LCOR: variants seen among roughly 807,000 people sequenced by gnomAD.
LCOR encodes ligand-dependent corepressor.
Under a neutral mutation model 64.4 loss-of-function variants are expected in LCOR, and 14 were observed. The observed-to-expected ratio is 0.22, with a 90% confidence interval of 0.14 to 0.34. LCOR has a LOEUF of 0.34. LCOR is among the 10% of genes least tolerant of loss of function. The probability of loss-of-function intolerance (pLI) is 1.00; values close to 1 mark genes in which losing one functional copy is unlikely to be tolerated. For synonymous variants in LCOR, 643 were observed against 642.5 expected (o/e 1.00, Z -0.01); for missense variants, 1,686 against 1,765.3 (o/e 0.96, Z 0.80).
intron 2 of LCOR, among the ~76,000 whole-genome samples, chr10:96,834,519 G>T (rs1037754867): frequency 2.0e-5 from 3 of 152,030 alleles, no homozygotes; most frequent in African/African-American, 7.2e-5. Flanking sequence ...TTGGTATTTC[G>T]GACTATCATA....
At chr10:96,964,652 A>T (rs987109334) in intron 7 of LCOR, among the ~76,000 whole-genome samples, 1 of 152,130 alleles carries the variant, frequency 6.6e-6, no homozygotes, top group Admixed American at 6.5e-5. Flanking sequence ...TTGTAAACTC[A>T]GTGTCTTTAC....
intron 4 of LCOR, among the ~76,000 whole-genome samples, chr10:96,912,322 C>T (rs1229228450): frequency 1.3e-5 from 2 of 152,180 alleles, no homozygotes; most frequent in African/African-American, 4.8e-5. Flanking sequence ...CCCGTATATT[C>T]TTTAACCAGA....
intron 4 of LCOR, among the ~76,000 whole-genome samples, chr10:96,936,035 C>T (rs1393508696): frequency 6.6e-6 from 1 of 152,220 alleles, no homozygotes; most frequent in Non-Finnish European, 1.5e-5. Flanking sequence ...ATCGGGCAGC[C>T]TCCCGAGCCA....
chr10:96,907,085 A>G (rs908282485), intron 2 of LCOR, among the ~76,000 whole-genome samples, 180 bp from the exon 3 acceptor site: 1 of 152,214 alleles, frequency 6.6e-6, no homozygotes, highest in African/African-American at 2.4e-5. Flanking sequence ...AATCATTGAC[A>G]GAAATGCAAA....
chr10:96,836,424 T>TA (rs1845442569), intron 2 of LCOR, among the ~76,000 whole-genome samples: 1 of 152,134 alleles, frequency 6.6e-6, no homozygotes, highest in Non-Finnish European at 1.5e-5. Context: ...CATTTAGCTG[T>TA]TTGTATTGAT....
At position 96,980,983 on chromosome 10, in the gene LCOR, A is replaced by G. The variant is rs961613641; in HGVS notation, c.523A>G (p.Thr175Ala). 4.3e-6 allele frequency: 3 copies of G among 702,944 alleles called. No individual in the cohort carries two copies. The South Asian group carries it at 4.4e-5, about 10-fold the overall frequency. 43.5% of individuals were successfully genotyped at this position (702,944 alleles called of 1,614,324 possible). Residue 175 changes from threonine (T) to alanine (A), a missense_variant, in exon 8 of 8, where the codon ACT (threonine) becomes GCT (alanine). By Grantham distance (58) the Thr-to-Ala change is moderately conservative. Transcript: ENST00000421806. ...PSDSGAMDVS[T>A]CNAGCAQLST... ...TGATTCGGGAGCAATGGATGTATCC[A>G]CTTGCAATGCTGGCTGTGCCCAGCT...
chr10:96,833,049 C>T, intron 1 of LCOR: 1 of 986,256 alleles, frequency 1.0e-6, no homozygotes. Context: ...GTCATGGCCG[C>T]GGGGGGCAGC....
Position 96,980,990 on chromosome 10 carries a change from A to G in LCOR, c.530A>G (p.Asn177Ser), listed in dbSNP as rs974017020. The G allele has an allele frequency of 5.7e-6, 4 of 703,048 alleles. No homozygotes were observed. Among genetic ancestry groups the G allele is most frequent in the Non-Finnish European group, 7.8e-6 (3 of 385,024 alleles). 43.6% of individuals were successfully genotyped at this position (703,048 alleles called of 1,614,324 possible). The change falls in exon 8 of 8, where the codon AAT becomes AGT. Residue 177 changes from asparagine (N) to serine (S), a missense_variant. Around this residue, in one of 3 missense-constraint regions of LCOR, gnomAD observed 313 missense variants for 247.2 expected, o/e 1.27. Transcript: ENST00000421806. The part of the protein sequence containing the change: ...DSGAMDVSTC[N>S]AGCAQLSTKH... ...GGAGCAATGGATGTATCCACTTGCA[A>G]TGCTGGCTGTGCCCAGCTCAGCACC...
intron 2 of LCOR, among the ~76,000 whole-genome samples, chr10:96,891,138 C>T (rs987814429): frequency 1.3e-5 from 2 of 151,988 alleles, no homozygotes; most frequent in African/African-American, 4.8e-5. Context: ...GTAGGATTCA[C>T]CAATGAAGCC....
rs368541219 is a variant in LCOR at position 96,840,166 on chromosome 10, C to A, written c.-330+6687C>A. On this transcript the variant is annotated intron_variant, in intron 2 of 7. Transcript: ENST00000421806. ...GGGGTAGATGGCCGAATTTAAGAAT[C>A]TTTTGCTTAATGGATTGTGAGGGTC... Among the ~76,000 whole-genome samples the A allele has an allele frequency of 4.5e-4, 69 of 152,250 alleles. 1 individual carries two copies. The South Asian group carries it at 0.014, about 32-fold the overall frequency.
At chr10:96,923,515 A>G (rs1847116126) in intron 4 of LCOR, among the ~76,000 whole-genome samples, 1 of 152,168 alleles carries the variant, frequency 6.6e-6, no homozygotes, top group African/African-American at 2.4e-5. Flanking sequence ...TACCTCTCAA[A>G]TAGAAAATAA....
At chr10:96,885,255 G>T (rs1328283169) in intron 2 of LCOR, among the ~76,000 whole-genome samples, 2 of 152,132 alleles carry the variant, frequency 1.3e-5, no homozygotes, top group East Asian at 3.8e-4. Flanking sequence ...TTTCAGATTT[G>T]TACCCAATGT....
At chr10:96,845,762 C>T (rs991117878) in intron 2 of LCOR, among the ~76,000 whole-genome samples, 2 of 151,250 alleles carry the variant, frequency 1.3e-5, no homozygotes, top group Non-Finnish European at 2.9e-5. Flanking sequence ...CCACCGCACC[C>T]GGCCAAAATG....
At chr10:96,892,679 T>G (rs181215505) in intron 2 of LCOR, among the ~76,000 whole-genome samples, 7 of 152,124 alleles carry the variant, frequency 4.6e-5, no homozygotes, top group African/African-American at 1.2e-4. Context: ...TTTCAACATA[T>G]GAATTTTTGG....
intron 7 of LCOR, among the ~76,000 whole-genome samples, chr10:96,972,046 G>A (rs1348437488): frequency 2.0e-5 from 3 of 151,918 alleles, no homozygotes; most frequent in African/African-American, 7.3e-5. Flanking sequence ...GGGGTGGGGT[G>A]GGGAATAGTT....
At chr10:96,841,827 T>A (rs1440931719) in intron 2 of LCOR, among the ~76,000 whole-genome samples, 23 of 151,796 alleles carry the variant, frequency 1.5e-4, no homozygotes, top group Admixed American at 1.5e-3. Flanking sequence ...CTCGAGCTCC[T>A]GGACTCAAGC....
intron 2 of LCOR, among the ~76,000 whole-genome samples, chr10:96,858,386 C>G (rs1303307123): frequency 1.3e-5 from 2 of 152,094 alleles, no homozygotes; most frequent in African/African-American, 4.8e-5. Context: ...TTGGAGGTGG[C>G]CAGCAGGCAG....
intron 7 of LCOR, chr10:96,956,525 C>G (rs920865754): frequency 3.4e-5 from 33 of 984,186 alleles, no homozygotes; most frequent in Middle Eastern, 5.2e-4. Flanking sequence ...TTATAATTTT[C>G]TTCTCACTAT....
rs1337059420 is a variant in LCOR, at chr10:96,852,783, AGTAAG to A, written c.-330+19305_-330+19309del. ...GAGAGTTCCATGATGAAATATAGTC[AGTAAG>A]TCTTTTTTTAGTGACTATTTTGCCT... is the stretch of plus-strand genomic sequence containing the variant. On this transcript the variant is annotated intron_variant, in intron 2 of 7. Coordinates refer to ENST00000421806, the MANE Select transcript of LCOR (RefSeq NM_001346516.2). Among the ~76,000 whole-genome samples the A allele has an allele frequency of 3.3e-5, 5 of 152,164 alleles. No individual in the cohort carries two copies. The East Asian group carries it at 9.6e-4, about 29-fold the overall frequency.
Sources: allele counts gnomAD v4.1 joint callset (sites outside exome capture counted in the v4.1 genomes callset), GRCh38; gene constraint gnomAD v4.1.1; regional missense constraint gnomAD v4.1.1; transcripts MANE v1.5; gene names NCBI Gene and HGNC (gene_info 2026-07-23, HGNC 2026-07-21).